The following KCNQ5 variants were observed in gnomAD, a reference collection of about 807,000 sequenced individuals.
KCNQ5 encodes potassium voltage-gated channel subfamily Q member 5, also known as potassium voltage-gated channel subfamily KQT member 5.
KCNQ5 carries 30 observed loss-of-function variants against 98.2 expected under a neutral mutation model. That is an observed-to-expected ratio of 0.31 (90% CI 0.23 to 0.41). KCNQ5 has a LOEUF of 0.41. Among genes scored for constraint, KCNQ5 ranks in the 10% least tolerant of loss-of-function variants. KCNQ5 has a pLI of 1.00. For synonymous variants in KCNQ5, 458 were observed against 449.4 expected, an observed-to-expected ratio of 1.02 and a Z score of -0.24; for missense variants, 835 against 1,182.5, an observed-to-expected ratio of 0.71 and a Z score of 4.31.
rs550788982 is a variant in KCNQ5 at position 73,058,562 on chromosome 6, G to A, written c.616+16500G>A. On this transcript the variant is annotated intron_variant, in intron 3 of 13. Coordinates refer to ENST00000370398, the MANE Select transcript of KCNQ5 (RefSeq NM_019842.4). ...GACTAATTTTGTCAATTAAACTAAAGGGATCTAATTAAACTAAACAGCTTC... is the reference window on the plus strand; with the variant it reads ...GACTAATTTTGTCAATTAAACTAAAAGGATCTAATTAAACTAAACAGCTTC... 2.6e-5 allele frequency among the ~76,000 whole-genome samples: 4 copies of A among 152,224 alleles called. No individual in the cohort carries two copies. In the South Asian group the frequency reaches 8.3e-4, roughly 32 times the overall value.
intron 2 of KCNQ5, among the ~76,000 whole-genome samples, chr6:73,015,318 C>T (rs1431892121): frequency 2.0e-5 from 3 of 152,030 alleles, no homozygotes; most frequent in Non-Finnish European, 4.4e-5. Context: ...ACTAACGACC[C>T]TCATCAATCT....
intron 1 of KCNQ5, among the ~76,000 whole-genome samples, chr6:72,886,607 A>C (rs889245120): frequency 1.3e-5 from 2 of 152,308 alleles, no homozygotes; most frequent in South Asian, 4.1e-4. Flanking sequence ...AAAGTGGAGT[A>C]ATAAAAAGAA....
At chr6:72,855,537 A>G (rs1562027063) in intron 1 of KCNQ5, among the ~76,000 whole-genome samples, 2 of 152,210 alleles carry the variant, frequency 1.3e-5, no homozygotes, top group African/African-American at 4.8e-5. Flanking sequence ...GCTAGAATAC[A>G]AAAATTTTAT....
chr6:72,880,851 G>T (rs1474683584), intron 1 of KCNQ5, among the ~76,000 whole-genome samples: 1 of 152,228 alleles, frequency 6.6e-6, no homozygotes, highest in South Asian at 2.1e-4. Flanking sequence ...CTAAAACTCA[G>T]TTTCTTGTCT....
At chr6:72,649,013 T>A (rs777760918) in intron 1 of KCNQ5, among the ~76,000 whole-genome samples, 5 of 152,014 alleles carry the variant, frequency 3.3e-5, no homozygotes, top group Non-Finnish European at 7.4e-5. Context: ...CTCAAATGAG[T>A]GAAATTAGCT....
intron 3 of KCNQ5, among the ~76,000 whole-genome samples, chr6:73,076,603 C>T (rs1280040879): frequency 1.3e-5 from 2 of 152,106 alleles, no homozygotes; most frequent in Admixed American, 6.5e-5. Context: ...TATTCATTCC[C>T]TTGCAATGCA....
At chr6:73,055,610 A>T in intron 3 of KCNQ5, 1 of 1,276,020 alleles carries the variant, frequency 7.8e-7, no homozygotes, top group Non-Finnish European at 1.1e-6. Context: ...ATTTCCCCAG[A>T]TCAAGGAGGG....
chr6:73,172,272 T>C (rs1362859310), intron 11 of KCNQ5, among the ~76,000 whole-genome samples: 1 of 152,112 alleles, frequency 6.6e-6, no homozygotes, highest in Non-Finnish European at 1.5e-5. Flanking sequence ...ATTAACAGAT[T>C]GTGTCGCTTG....
At chr6:72,659,365 C>T (rs1766389901) in intron 1 of KCNQ5, among the ~76,000 whole-genome samples, 1 of 152,168 alleles carries the variant, frequency 6.6e-6, no homozygotes, top group African/African-American at 2.4e-5. Flanking sequence ...ATTTTTCTAG[C>T]CACTCAGACA....
intron 1 of KCNQ5, among the ~76,000 whole-genome samples, chr6:72,974,472 G>A (rs946464521): frequency 4.6e-5 from 7 of 151,680 alleles, no homozygotes; most frequent in Non-Finnish European, 7.4e-5. Context: ...ATACTTCTGG[G>A]TCCCTGCCAG....
chr6:73,059,194 A>C (rs117743046), intron 3 of KCNQ5, among the ~76,000 whole-genome samples: 4,042 of 152,350 alleles, frequency 0.027, 92 homozygotes, highest in East Asian at 0.11. Context: ...TTGGATAAAG[A>C]AAATGTGGTA....
chr6:73,005,987 T>C (rs1323284913), intron 2 of KCNQ5, among the ~76,000 whole-genome samples: 1 of 150,878 alleles, frequency 6.6e-6, no homozygotes, highest in Non-Finnish European at 1.5e-5. Flanking sequence ...CCAAAATCTT[T>C]TTATCTGGAC....
intron 1 of KCNQ5, among the ~76,000 whole-genome samples, chr6:72,839,918 G>A (rs1173446310): frequency 6.6e-6 from 1 of 152,058 alleles, no homozygotes; most frequent in Non-Finnish European, 1.5e-5. Context: ...GTGCATGGGT[G>A]GTTCGGTGGT....
chr6:72,913,007 C>G (rs146455695), intron 1 of KCNQ5, among the ~76,000 whole-genome samples: 187 of 152,156 alleles, frequency 1.2e-3, no homozygotes, highest in African/African-American at 4.4e-3. Flanking sequence ...TCCCCCATGA[C>G]ACAAATTTAC....
chr6:72,735,109 G>A (rs77216269), intron 1 of KCNQ5, among the ~76,000 whole-genome samples: 1,766 of 152,246 alleles, frequency 0.012, 29 homozygotes, highest in African/African-American at 0.039. Flanking sequence ...AAAAATTCAA[G>A]ATGCAAGGCT....
At chr6:72,951,580 G>A (rs1282513227) in intron 1 of KCNQ5, among the ~76,000 whole-genome samples, 1 of 151,840 alleles carries the variant, frequency 6.6e-6, no homozygotes, top group Non-Finnish European at 1.5e-5. Context: ...ACTGTTCCTG[G>A]CCTAACCCCT....
At chr6:73,058,520 CAGCA>C (rs1772629565) in intron 3 of KCNQ5, among the ~76,000 whole-genome samples, 6 of 152,108 alleles carry the variant, frequency 3.9e-5, no homozygotes, top group African/African-American at 1.4e-4. Context: ...AAAGCGATTG[CAGCA>C]AAAACAAAAA....
At chr6:73,131,652 C>T (rs1776246275) in intron 9 of KCNQ5, among the ~76,000 whole-genome samples, 1 of 150,856 alleles carries the variant, frequency 6.6e-6, no homozygotes, top group South Asian at 2.1e-4. Flanking sequence ...ATCCCTTTGA[C>T]AGATTTGTTT....
intron 1 of KCNQ5, among the ~76,000 whole-genome samples, chr6:72,760,405 G>A (rs1311860268): frequency 6.6e-6 from 1 of 151,846 alleles, no homozygotes; most frequent in Non-Finnish European, 1.5e-5. Context: ...ATTTTGAACT[G>A]GACCCAAGTT....
Sources: gnomAD v4.1 joint callset for allele counts (sites outside exome capture counted in the v4.1 genomes callset) on GRCh38, gnomAD v4.1.1 for gene constraint, MANE v1.5 for transcripts, NCBI Gene and HGNC (gene_info 2026-07-23, HGNC 2026-07-21) for gene names.